The following INTS1 variants were observed in gnomAD, a reference collection of about 807,000 sequenced individuals.
INTS1 encodes integrator complex subunit 1.
Under a neutral mutation model 241.6 loss-of-function variants are expected in INTS1, and 137 were observed. The ratio of observed to expected loss-of-function variants is 0.57; its 90% CI spans 0.49 to 0.65. The LOEUF is 0.65. INTS1 is among the 30% of genes least tolerant of loss of function. The pLI, the probability that INTS1 is intolerant of heterozygous loss-of-function variation, is 0.00. For missense variants in INTS1, 3,073 were observed against 3,032.2 expected (o/e 1.01, Z -0.32); for synonymous variants, 1,692 against 1,337.8 (o/e 1.26, Z -5.78).
At chr7:1,488,355 T>C (rs879679175) in intron 18 of INTS1, among the ~76,000 whole-genome samples, 1 of 152,134 alleles carries the variant, frequency 6.6e-6, no homozygotes, top group African/African-American at 2.4e-5. Flanking sequence ...AGGGACTCTC[T>C]TGCCTACAGA....
intron 4 of INTS1, 35 bp downstream of exon 4, chr7:1,500,135 C>T (rs367918294): frequency 7.6e-6 from 12 of 1,578,464 alleles, no homozygotes; most frequent in South Asian, 4.6e-5. Context: ...AGGGCCCCAG[C>T]GCTGCTCGCC....
rs535868904 is a variant in INTS1, at chr7:1,493,596, G to A, written c.2068+158C>T. 2.9e-4 allele frequency among the ~76,000 whole-genome samples: 40 copies of A among 135,910 alleles called. No individual in the cohort carries two copies. The highest frequency in any genetic ancestry group is 1.1e-3 in the African/African-American group (39 of 35,010). The allele number at this position is 135,910 out of a possible 152,430, so 89.2% of individuals were successfully genotyped here. ...GCACGCTTCTGAATTCCCAACGGCAGATGTGGAGAAGGCAGGTCCCCGAGC... is the reference window on the plus strand; with the variant it reads ...GCACGCTTCTGAATTCCCAACGGCAAATGTGGAGAAGGCAGGTCCCCGAGC... On this transcript the variant is annotated intron_variant, in intron 15 of 47. Transcript: ENST00000404767. This position sits in a 1 kb window ranked among gnomAD's most constrained non-coding sequence, Gnocchi z 5.3.
chr7:1,495,420 G>A lies in INTS1; in HGVS notation c.1832+13C>T, dbSNP rs778936515. 16 of 1,605,484 alleles carry A rather than the reference G, an allele frequency of 1.0e-5. No homozygotes were observed. The African/African-American group carries it at 1.3e-4, about 13-fold the overall frequency. On this transcript the variant is annotated intron_variant, in intron 13 of 47. Coordinates refer to ENST00000404767, the MANE Select transcript of INTS1 (RefSeq NM_001080453.3). ...GGGTGTGGGACAGGGGCTGTACAGG[G>A]CCCCAGCCGCACCAGTGCACGTAGT...
intron 2 of INTS1, 77 bp downstream of exon 2, chr7:1,503,826 C>T: frequency 1.0e-6 from 1 of 958,666 alleles, no homozygotes; most frequent in Non-Finnish European, 1.5e-6. Context: ...ACGCAGGATC[C>T]GCGGCAGCTG....
chr7:1,474,753 C>T lies in INTS1; in HGVS notation c.5588G>A (p.Ser1863Asn), dbSNP rs1219336913. ...RALENRGADA[S>N]MACRKLAVAH... ...CACCGCCAGCTTCCGGCAGGCCATG[C>T]TGGCATCCGCCCCTCGGTTCTCCAA... Residue 1863 changes from serine to asparagine, a missense_variant, in exon 40 of 48, where the codon AGC becomes AAC. Physicochemically the swap from Ser to Asn is conservative, Grantham distance 46. Transcript: ENST00000404767. 2 of 1,566,860 alleles carry T rather than the reference C, an allele frequency of 1.3e-6. No individual in the cohort carries two copies. Among genetic ancestry groups the T allele is most frequent in the Non-Finnish European group, 1.7e-6 (2 of 1,158,024 alleles).
In INTS1 at chr7:1,472,352, G is replaced by A; in HGVS notation, c.6105C>T (p.Ser2035=). 4.5e-6 allele frequency: 7 copies of A among 1,571,632 alleles called. No individual in the cohort carries two copies. Among genetic ancestry groups the A allele is most frequent in the Middle Eastern group, 1.8e-4 (1 of 5,676 alleles). Residue 2035 remains serine, a synonymous_variant, in exon 44 of 48, where the codon AGC becomes AGT. Transcript: ENST00000404767. ...CGGTCAGAGGGGTGAACAGGGAGAC[G>A]CTGACCAGGGGCAAGGAGCCGGCTG... ...ESSAGSLPLV[S]VSLFTPLTAA...
At chr7:1,472,647 C>T (rs1013186362) in intron 43 of INTS1, among the ~76,000 whole-genome samples, 1 of 152,156 alleles carries the variant, frequency 6.6e-6, no homozygotes, top group African/African-American at 2.4e-5. Flanking sequence ...CGGGATGGCC[C>T]CTTGGGACCC....
intron 41 of INTS1, 23 bp from the exon 42 acceptor site, chr7:1,473,716 T>A (rs758471848): frequency 2.5e-6 from 4 of 1,612,064 alleles, no homozygotes; most frequent in Non-Finnish European, 3.4e-6. Flanking sequence ...AGCGGCACCC[T>A]CGAGCTGCTC....
chr7:1,493,886 C>G lies in INTS1; in HGVS notation c.1936G>C (p.Val646Leu). The G allele has an allele frequency of 6.4e-7, 1 of 1,563,268 alleles. No homozygotes were observed. Among genetic ancestry groups the G allele is most frequent in the South Asian group, 1.2e-5 (1 of 84,734 alleles). ...RNFFLRLCSEVPILEDTLMRI... is the reference protein window; with the variant it reads ...RNFFLRLCSELPILEDTLMRI... ...ATCAGCGTGTCCTCCAAAATGGGCACCTCGGAGCACAGACGCAGGAAGAAG... is the reference window on the plus strand; with the variant it reads ...ATCAGCGTGTCCTCCAAAATGGGCAGCTCGGAGCACAGACGCAGGAAGAAG... The change falls in exon 15 of 48, where the codon GTG (valine) becomes CTG (leucine). Residue 646 changes from valine to leucine, a missense_variant. By Grantham distance (32) the Val-to-Leu change is conservative. Transcript: ENST00000404767. This position sits in a 1 kb window ranked among gnomAD's most constrained non-coding sequence, Gnocchi z 5.3.
intron 44 of INTS1, 73 bp from the exon 45 acceptor site, chr7:1,471,714 C>G (rs1781475595): frequency 6.9e-7 from 1 of 1,452,638 alleles, no homozygotes; most frequent in African/African-American, 1.4e-5. Flanking sequence ...CCCAGCCACC[C>G]AGAGGGGGCA....
chr7:1,479,823 T>C, intron 30 of INTS1, 139 bp from the exon 31 acceptor site: 1 of 978,374 alleles, frequency 1.0e-6, no homozygotes, highest in Non-Finnish European at 1.4e-6. Flanking sequence ...CCCCACCTTG[T>C]GGCCTGAGGG....
chr7:1,495,383 C>G, intron 13 of INTS1, 50 bp downstream of exon 13: 1 of 1,572,674 alleles, frequency 6.4e-7, no homozygotes, highest in Non-Finnish European at 8.6e-7. Flanking sequence ...CCCGGCTTGT[C>G]CCGGCTCAGT....
intron 17 of INTS1, 79 bp from the exon 18 acceptor site, chr7:1,489,483 C>T (rs1782446681): frequency 6.5e-7 from 1 of 1,546,412 alleles, no homozygotes; most frequent in Non-Finnish European, 8.8e-7. Flanking sequence ...CCAGCTCCTC[C>T]TCTCATCCCC....
chr7:1,491,167 C>T lies in INTS1; in HGVS notation c.2166-1485G>A, dbSNP rs369881939. Reference sequence around the variant, plus strand: ...GGGCTTCGGGAGCGTGGGGCAGCCCCAGCGTCCTAGGTACAACGTCAAAGC... The same window carrying T: ...GGGCTTCGGGAGCGTGGGGCAGCCCTAGCGTCCTAGGTACAACGTCAAAGC... On this transcript the variant is annotated intron_variant, in intron 16 of 47. Transcript: ENST00000404767. Among the ~76,000 whole-genome samples the T allele has an allele frequency of 7.9e-5, 12 of 152,342 alleles. No homozygotes were observed. In the East Asian group the frequency reaches 9.6e-4, roughly 12 times the overall value.
chr7:1,500,702 G>C (rs1035441303), intron 3 of INTS1, among the ~76,000 whole-genome samples: 1 of 152,140 alleles, frequency 6.6e-6, no homozygotes, highest in Non-Finnish European at 1.5e-5. Flanking sequence ...GGCTCCGTCT[G>C]GCGGCTTCTT....
chr7:1,501,693 C>T (rs1276010402), intron 3 of INTS1, among the ~76,000 whole-genome samples: 1 of 152,222 alleles, frequency 6.6e-6, no homozygotes, highest in Non-Finnish European at 1.5e-5. Context: ...TCCCCACCGG[C>T]ACCAGCTGCC....
At position 1,471,139 on chromosome 7, in the gene INTS1, C is replaced by T; in HGVS notation, c.6341G>A (p.Ser2114Asn). The change falls in exon 46 of 48, where the codon AGC (serine) becomes AAC (asparagine). Residue 2114 changes from serine (S) to asparagine (N), a missense_variant. Ser to Asn is a conservative substitution (Grantham distance 46). Coordinates refer to ENST00000404767, the MANE Select transcript of INTS1 (RefSeq NM_001080453.3). ...AGGCCGGCGGTGGCCTCACCTGGGG[C>T]TGTTCTGCATGGAGCGCAGGGCCAG... ...FSLALRSMQN[S>N]PSIAAAFLPT... 1 of 1,569,758 alleles carries T rather than the reference C, an allele frequency of 6.4e-7. No homozygotes were observed. Among genetic ancestry groups the T allele is most frequent in the Non-Finnish European group, 8.6e-7 (1 of 1,158,672 alleles).
chr7:1,476,068 C>T lies in INTS1; in HGVS notation c.5382G>A (p.Val1794=). The T allele has an allele frequency of 6.5e-7, 1 of 1,542,604 alleles. No homozygotes were observed. The highest frequency in any genetic ancestry group is 1.2e-5 in the South Asian group (1 of 83,960). Residue 1794 remains valine, a synonymous_variant, in exon 39 of 48, where the codon GTG becomes GTA. Transcript: ENST00000404767. ...GAAGGTCTCGGCAGCGCCTGCCCAG[C>T]ACGCTGGAAGAGGTGGAGCAGGGCT... The part of the protein sequence containing the change: ...SGCIQQWGDS[V]LGRRCRDLLL...
At chr7:1,482,806 G>A in intron 26 of INTS1, 99 bp from the exon 27 acceptor site, 2 of 1,438,860 alleles carry the variant, frequency 1.4e-6, no homozygotes, top group Non-Finnish European at 9.4e-7. Flanking sequence ...CTCCCGAGAA[G>A]GAAACTGAGA....
Sources: allele counts gnomAD v4.1 joint callset (sites outside exome capture counted in the v4.1 genomes callset), GRCh38; gene constraint gnomAD v4.1.1; non-coding constraint Gnocchi (gnomAD v3.1); transcripts MANE v1.5; gene names NCBI Gene and HGNC (gene_info 2026-07-23, HGNC 2026-07-21).